Variants in LRCH1 observed in about 807,000 individuals in gnomAD.
The protein encoded by LRCH1 is leucine-rich repeat and calponin homology domain-containing protein 1.
A neutral mutation model predicts 94.9 loss-of-function variants in LRCH1; 23 were observed. The ratio of observed to expected loss-of-function variants is 0.24; its 90% CI spans 0.17 to 0.34. The LOEUF is 0.34. LRCH1 is among the 10% of genes least tolerant of loss of function. The probability of loss-of-function intolerance (pLI) is 1.00; values close to 1 mark genes in which losing one functional copy is unlikely to be tolerated. For missense variants in LRCH1, 790 were observed against 945.9 expected (o/e 0.84, Z 2.16); for synonymous variants, 364 against 354.9 (o/e 1.03, Z -0.29).
intron 15 of LRCH1, among the ~76,000 whole-genome samples, chr13:46,715,143 T>A (rs1872256404): frequency 1.3e-5 from 2 of 152,182 alleles, no homozygotes; most frequent in African/African-American, 4.8e-5. Context: ...ATGTCACCAA[T>A]TTTTTTGTGT....
At position 46,685,996 on chromosome 13, in the gene LRCH1, A is replaced by C. The variant is rs842380; in HGVS notation, c.777A>C (p.Gln259His). The C allele has an allele frequency of 6.2e-6, 10 of 1,610,162 alleles. No homozygotes were observed. The South Asian group carries it at 1.1e-4, about 18-fold the overall frequency. Residue 259 changes from glutamine (Q) to histidine (H), a missense_variant, in exon 5 of 20, where the codon CAA becomes CAC. Gln to His is a conservative substitution (Grantham distance 24). Around this residue, in one of 3 missense-constraint regions of LRCH1, gnomAD observed 194 missense variants for 293.5 expected, o/e 0.66. Coordinates refer to ENST00000389797, the MANE Select transcript of LRCH1 (RefSeq NM_001164211.2). ...GTTTTAGAGAGATGAAGCAGCTGCA[A>C]GTGTTACTACTTGAGAATAACCCTC... ...PICFREMKQLQVLLLENNPLQ... is the reference protein window; with the variant it reads ...PICFREMKQLHVLLLENNPLQ...
intron 18 of LRCH1, among the ~76,000 whole-genome samples, chr13:46,732,591 C>T (rs1324618142): frequency 2.6e-5 from 4 of 152,156 alleles, no homozygotes; most frequent in Non-Finnish European, 5.9e-5. Context: ...TCAGAAGAGA[C>T]TCACCTAAGG....
Position 46,744,303 on chromosome 13 carries a change from A to T in LRCH1, c.*2455A>T. The stretch of plus-strand genomic sequence containing the variant: ...TCCTCACAAGAAAGACCGTTTTTTC[A>T]GTACTCCCTTCCAATGTTAGATAAA... On this transcript the variant is annotated 3_prime_UTR_variant, in exon 20 of 20. Transcript: ENST00000389797. 1.0e-6 allele frequency: 1 copy of T among 983,840 alleles called. No individual in the cohort carries two copies. Among genetic ancestry groups the T allele is most frequent in the Non-Finnish European group, 1.2e-6 (1 of 829,374 alleles). The allele number at this position is 983,840 out of a possible 1,614,324, so 60.9% of individuals were successfully genotyped here.
intron 7 of LRCH1, among the ~76,000 whole-genome samples, chr13:46,691,601 G>A (rs894079025): frequency 1.3e-5 from 2 of 152,250 alleles, no homozygotes; most frequent in African/African-American, 4.8e-5. Flanking sequence ...CCTCAGGGTT[G>A]AAGGTGAAGG....
intron 1 of LRCH1, among the ~76,000 whole-genome samples, chr13:46,590,918 C>G (rs905341137): frequency 6.6e-6 from 1 of 151,864 alleles, no homozygotes; most frequent in Non-Finnish European, 1.5e-5. Context: ...TTTTCGATTT[C>G]TCTTTTAGGA....
chr13:46,676,144 T>C (rs1489204471), intron 3 of LRCH1, among the ~76,000 whole-genome samples: 4 of 151,746 alleles, frequency 2.6e-5, no homozygotes, highest in East Asian at 3.9e-4. Flanking sequence ...ACCTGTAATC[T>C]CAGCTACACA....
At chr13:46,584,258 T>C (rs762174552) in intron 1 of LRCH1, among the ~76,000 whole-genome samples, 1 of 152,208 alleles carries the variant, frequency 6.6e-6, no homozygotes, top group African/African-American at 2.4e-5. Context: ...TTGTTTCTCA[T>C]AGCATGCAAC....
chr13:46,662,159 G>A (rs1442894818), intron 2 of LRCH1, among the ~76,000 whole-genome samples: 1 of 152,140 alleles, frequency 6.6e-6, no homozygotes, highest in Non-Finnish European at 1.5e-5. Flanking sequence ...GCTTTGGTAG[G>A]TGGTATGGAA....
chr13:46,568,362 A>G (rs2050207535), intron 1 of LRCH1, among the ~76,000 whole-genome samples: 1 of 152,220 alleles, frequency 6.6e-6, no homozygotes, highest in Non-Finnish European at 1.5e-5. Context: ...GGTAGATAAC[A>G]CCTTTTAAGA....
chr13:46,675,425 A>G (rs1346908279), intron 3 of LRCH1, among the ~76,000 whole-genome samples: 1 of 152,208 alleles, frequency 6.6e-6, no homozygotes, highest in Non-Finnish European at 1.5e-5. Flanking sequence ...TTACCTTCAC[A>G]TAAGAGAACA....
chr13:46,728,099 G>T (rs1296805148), intron 17 of LRCH1, among the ~76,000 whole-genome samples: 1 of 151,908 alleles, frequency 6.6e-6, no homozygotes, highest in East Asian at 1.9e-4. Flanking sequence ...TGTATTTTTG[G>T]TAGAGACAGG....
At chr13:46,692,966 CT>C (rs556715797) in intron 8 of LRCH1, among the ~76,000 whole-genome samples, 5,015 of 128,030 alleles carry the variant, frequency 0.039, 230 homozygotes, top group African/African-American at 0.13. Context: ...AGATAAAATT[CT>C]TTTTTTTTTT....
intron 3 of LRCH1, among the ~76,000 whole-genome samples, chr13:46,670,894 C>T (rs190020737): frequency 4.9e-4 from 75 of 152,282 alleles, no homozygotes; most frequent in Middle Eastern, 3.4e-3. Context: ...AAGTCCATGT[C>T]GTGCTTGGGA....
chr13:46,625,849 C>T (rs760058863), intron 1 of LRCH1, among the ~76,000 whole-genome samples: 1 of 151,834 alleles, frequency 6.6e-6, no homozygotes, highest in African/African-American at 2.4e-5. Flanking sequence ...AGAGGGGTCT[C>T]CCCATGTTGC....
Position 46,701,009 on chromosome 13 carries a change from G to T in LRCH1, c.1314-112G>T, listed in dbSNP as rs547300893. 4.3e-6 allele frequency: 3 copies of T among 705,322 alleles called. No individual in the cohort carries two copies. The South Asian group carries it at 5.3e-5, about 13-fold the overall frequency. 43.7% of individuals were successfully genotyped at this position (705,322 alleles called of 1,614,324 possible). A position where few individuals can be genotyped will look rare whatever the true frequency, so the allele number is the denominator to read the frequency against. On this transcript the variant is annotated intron_variant, in intron 10 of 19. Transcript: ENST00000389797. ...TTTTCACCATAACACTGAATCTGTC[G>T]AAATCATTTTCATATGTTAGATGGA...
chr13:46,743,711 C>T lies in LRCH1; in HGVS notation c.*1863C>T, dbSNP rs939427870. The T allele has an allele frequency of 1.0e-6, 1 of 975,226 alleles. No individual in the cohort carries two copies. Among genetic ancestry groups the T allele is most frequent in the African/African-American group, 1.8e-5 (1 of 54,530 alleles). The allele number at this position is 975,226 out of a possible 1,614,324, so 60.4% of individuals were successfully genotyped here. A position where few individuals can be genotyped will look rare whatever the true frequency, so the allele number is the denominator to read the frequency against. The stretch of plus-strand genomic sequence containing the variant: ...ATGGTCACCACTGTGGTGGTTTTTC[C>T]CTTCTTTCTGGGGAGAAAATGGGAA... On this transcript the variant is annotated 3_prime_UTR_variant, in exon 20 of 20. Transcript: ENST00000389797.
chr13:46,681,867 A>G (rs745491337), intron 4 of LRCH1, 21 bp downstream of exon 4: 10 of 1,454,116 alleles, frequency 6.9e-6, no homozygotes, highest in Admixed American at 3.4e-5. Context: ...AAGAGGGAAA[A>G]TGAAGAAAAT....
At chr13:46,724,022 T>G (rs1420667823) in intron 17 of LRCH1, among the ~76,000 whole-genome samples, 1 of 152,194 alleles carries the variant, frequency 6.6e-6, no homozygotes, top group African/African-American at 2.4e-5. Flanking sequence ...AAAGTCTCAC[T>G]CTGTCACCCA....
At chr13:46,567,199 A>C (rs1156304355) in intron 1 of LRCH1, among the ~76,000 whole-genome samples, 1 of 152,242 alleles carries the variant, frequency 6.6e-6, no homozygotes, top group Non-Finnish European at 1.5e-5. Flanking sequence ...CCTATAGAAT[A>C]CAAATGTTTA....
Sources: allele counts gnomAD v4.1 joint callset (sites outside exome capture counted in the v4.1 genomes callset), GRCh38; gene constraint gnomAD v4.1.1; regional missense constraint gnomAD v4.1.1; transcripts MANE v1.5; gene names NCBI Gene and HGNC (gene_info 2026-07-23, HGNC 2026-07-21).